Variants in LRRC69 observed in about 807,000 individuals in gnomAD.
The protein encoded by LRRC69 is leucine-rich repeat-containing protein 69.
LRRC69 carries 42 observed loss-of-function variants against 37.8 expected under a neutral mutation model. The ratio of observed to expected loss-of-function variants is 1.11; its 90% CI spans 0.87 to 1.44. The LOEUF (loss-of-function observed/expected upper bound fraction) is 1.44, where lower values mean the gene tolerates loss of function less well. Ranked by LOEUF, LRRC69 falls within the 40% of genes most tolerant of loss-of-function variation. The pLI is 0.00. For missense variants in LRRC69, 357 were observed against 401.9 expected (o/e 0.89, Z 0.96); for synonymous variants, 141 against 143.1 (o/e 0.99, Z 0.11).
chr8:91,159,989 C>A (rs1277757932), intron 5 of LRRC69, among the ~76,000 whole-genome samples: 9 of 150,910 alleles, frequency 6.0e-5, no homozygotes, highest in Non-Finnish European at 8.9e-5. Flanking sequence ...ACAACAACAA[C>A]AAAAATATGA....
At chr8:91,150,236 C>T (rs1325305393) in intron 5 of LRRC69, among the ~76,000 whole-genome samples, 2 of 151,824 alleles carry the variant, frequency 1.3e-5, no homozygotes, top group African/African-American at 2.4e-5. Flanking sequence ...ATAGATAGCT[C>T]TTATTATTTT....
chr8:91,121,770 T>C (rs1813626120), intron 1 of LRRC69, among the ~76,000 whole-genome samples: 1 of 152,142 alleles, frequency 6.6e-6, no homozygotes, highest in South Asian at 2.1e-4. Flanking sequence ...TGAATATTTT[T>C]TAATGAGTGA....
At chr8:91,152,802 C>G (rs927428624) in intron 5 of LRRC69, among the ~76,000 whole-genome samples, 1 of 150,814 alleles carries the variant, frequency 6.6e-6, no homozygotes, top group South Asian at 2.1e-4. Context: ...CTCTTATTTC[C>G]TTGAGCAGTG....
At chr8:91,159,229 G>C (rs1171190067) in intron 5 of LRRC69, among the ~76,000 whole-genome samples, 1 of 151,252 alleles carries the variant, frequency 6.6e-6, no homozygotes, top group Non-Finnish European at 1.5e-5. Flanking sequence ...AAATAAAATA[G>C]AATGACACAA....
At chr8:91,199,784 T>C (rs1239941523) in intron 6 of LRRC69, among the ~76,000 whole-genome samples, 3 of 152,116 alleles carry the variant, frequency 2.0e-5, no homozygotes, top group African/African-American at 7.2e-5. Context: ...TTCAGGCAAA[T>C]GTTTATTTAT....
At chr8:91,124,275 T>C (rs1028792240) in intron 1 of LRRC69, among the ~76,000 whole-genome samples, 8 of 152,002 alleles carry the variant, frequency 5.3e-5, no homozygotes, top group Admixed American at 6.6e-5. Flanking sequence ...GTGCTCTAAT[T>C]AAAAATTAAA....
chr8:91,152,692 G>A (rs1808762681), intron 5 of LRRC69, among the ~76,000 whole-genome samples: 1 of 151,418 alleles, frequency 6.6e-6, no homozygotes, highest in Non-Finnish European at 1.5e-5. Context: ...GATGGGTATA[G>A]CATTGAATCT....
intron 5 of LRRC69, among the ~76,000 whole-genome samples, chr8:91,151,546 A>G (rs1440518954): frequency 6.6e-6 from 1 of 150,836 alleles, no homozygotes; most frequent in Non-Finnish European, 1.5e-5. Context: ...TCTGTCATTG[A>G]TGGGCATTTG....
intron 6 of LRRC69, among the ~76,000 whole-genome samples, chr8:91,192,152 A>T (rs974490264): frequency 2.6e-5 from 4 of 152,066 alleles, no homozygotes; most frequent in African/African-American, 4.8e-5. Context: ...AATTTCATCC[A>T]TGTCCCTACA....
chr8:91,113,737 C>T (rs1813452256), intron 1 of LRRC69, among the ~76,000 whole-genome samples: 1 of 151,476 alleles, frequency 6.6e-6, no homozygotes, highest in African/African-American at 2.4e-5. Context: ...AAAACCTGCA[C>T]AGCAAAGGAA....
At chr8:91,197,703 C>A (rs1586281750) in intron 6 of LRRC69, among the ~76,000 whole-genome samples, 1 of 152,076 alleles carries the variant, frequency 6.6e-6, no homozygotes, top group Non-Finnish European at 1.5e-5. Context: ...TGCTTCGGCT[C>A]GCGCACGGTG....
At chr8:91,211,870 A>T (rs2130646920) in intron 7 of LRRC69, among the ~76,000 whole-genome samples, 1 of 152,138 alleles carries the variant, frequency 6.6e-6, no homozygotes, top group Admixed American at 6.5e-5. Context: ...TATTCTCAAC[A>T]TAAAACACAG....
At chr8:91,113,229 T>C (rs1813439465) in intron 1 of LRRC69, among the ~76,000 whole-genome samples, 1 of 151,962 alleles carries the variant, frequency 6.6e-6, no homozygotes, top group Non-Finnish European at 1.5e-5. Flanking sequence ...AAAATGCATA[T>C]GGAACTACAA....
chr8:91,179,362 C>A (rs1418381532), intron 5 of LRRC69, among the ~76,000 whole-genome samples: 2 of 152,136 alleles, frequency 1.3e-5, no homozygotes, highest in African/African-American at 2.4e-5. Flanking sequence ...GTGCAACATA[C>A]TTTTAAAGAA....
intron 5 of LRRC69, among the ~76,000 whole-genome samples, chr8:91,170,421 C>T (rs1207817658): frequency 6.9e-6 from 1 of 145,070 alleles, no homozygotes; most frequent in Non-Finnish European, 1.5e-5. Flanking sequence ...TCATATGGAA[C>T]CAAAAAAGAG....
At chr8:91,208,803 TGATCTTCCTATCTA>T (rs1252554238) in intron 7 of LRRC69, among the ~76,000 whole-genome samples, 1 of 152,218 alleles carries the variant, frequency 6.6e-6, no homozygotes, top group African/African-American at 2.4e-5. Flanking sequence ...CTCTGGTGTG[TGATCTTCCTATCTA>T]GATCGAAGCT....
At chr8:91,133,042 G>C in intron 3 of LRRC69, 68 bp from the exon 4 acceptor site, 1 of 880,660 alleles carries the variant, frequency 1.1e-6, no homozygotes, top group Non-Finnish European at 1.7e-6. Context: ...CTGCTAAGTT[G>C]GGCCTATATA....
chr8:91,205,668 T>C (rs544064364), intron 7 of LRRC69: 4 of 152,206 alleles, frequency 2.6e-5, no homozygotes, highest in Admixed American at 1.3e-4. Context: ...TGCATGTGAA[T>C]TGGGAGACTA....
chr8:91,206,853 T>G (rs1468673103), intron 7 of LRRC69: 1 of 1,287,314 alleles, frequency 7.8e-7, no homozygotes, highest in African/African-American at 1.5e-5. Context: ...CCAAGTAATT[T>G]TGCCAATTTC....
Sources: allele counts gnomAD v4.1 joint callset (sites outside exome capture counted in the v4.1 genomes callset), GRCh38; gene constraint gnomAD v4.1.1; transcripts MANE v1.5; gene names NCBI Gene and HGNC (gene_info 2026-07-23, HGNC 2026-07-21).